Variants in GUCY2F observed in about 807,000 individuals in gnomAD.
GUCY2F encodes guanylate cyclase 2F, retinal.
Under a neutral mutation model 73.1 loss-of-function variants are expected in GUCY2F, and 61 were observed. The observed-to-expected ratio is 0.83, with a 90% CI of 0.68 to 1.03. The LOEUF (loss-of-function observed/expected upper bound fraction) is 1.03, where lower values mean the gene tolerates loss of function less well. GUCY2F is among the 50% of genes least tolerant of loss of function. GUCY2F has a pLI of 0.00. For synonymous variants in GUCY2F, 331 were observed against 307.8 expected (o/e 1.08, Z -0.79); for missense variants, 912 against 854.3 (o/e 1.07, Z -0.84).
intron 1 of GUCY2F, among the ~76,000 whole-genome samples, chrX:109,478,059 T>G (rs752366114): frequency 8.9e-6 from 1 of 112,173 alleles, no homozygotes; most frequent in African/African-American, 3.2e-5. Flanking sequence ...AAGATGATTC[T>G]GAGCTGATTA....
chrX:109,478,584 T>C (rs1049360251), intron 1 of GUCY2F, among the ~76,000 whole-genome samples: 1 of 112,505 alleles, frequency 8.9e-6, no homozygotes, highest in African/African-American at 3.2e-5. Flanking sequence ...CCAGTATCTG[T>C]GCATTTAATC....
chrX:109,439,297 C>T (rs777975998), intron 7 of GUCY2F, among the ~76,000 whole-genome samples: 17 of 111,901 alleles, frequency 1.5e-4, no homozygotes, highest in African/African-American at 5.2e-4. Context: ...ACCCTCAAGG[C>T]CCCGGCACTC....
chrX:109,481,082 GGAAGGAAGGAAGGAAGGAAGGA>G (rs1323646047), intron 1 of GUCY2F, among the ~76,000 whole-genome samples: 4 of 69,336 alleles, frequency 5.8e-5, no homozygotes, highest in Non-Finnish European at 1.1e-4. Context: ...AAGGAAGGAA[GGAAGGAAGGAAGGAAGGAAGGA>G]AGGGAGGGAG....
intron 19 of GUCY2F, among the ~76,000 whole-genome samples, chrX:109,375,371 C>A (rs1260046243): frequency 9.0e-6 from 1 of 111,166 alleles, no homozygotes; most frequent in Non-Finnish European, 1.9e-5. Context: ...ACAAGCCAGG[C>A]AGTCAAAGAG....
chrX:109,479,665 C>G (rs373732766), intron 1 of GUCY2F, among the ~76,000 whole-genome samples: 2 of 111,786 alleles, frequency 1.8e-5, no homozygotes, highest in East Asian at 5.6e-4. Context: ...TTGGATTCCC[C>G]CAAAGTACTT....
At chrX:109,435,994 G>A (rs1280719570) in intron 7 of GUCY2F, among the ~76,000 whole-genome samples, 1 of 111,355 alleles carries the variant, frequency 9.0e-6, no homozygotes, top group Non-Finnish European at 1.9e-5. Flanking sequence ...GATCATGGTG[G>A]ATAAGCTTTT....
At chrX:109,456,440 G>T (rs2147278673) in intron 3 of GUCY2F, among the ~76,000 whole-genome samples, 1 of 111,710 alleles carries the variant, frequency 9.0e-6, no homozygotes, top group Non-Finnish European at 1.9e-5. Flanking sequence ...TTCTGAGAAA[G>T]AAACTGCATC....
intron 6 of GUCY2F, among the ~76,000 whole-genome samples, chrX:109,443,395 G>A (rs1056710943): frequency 5.4e-5 from 6 of 111,093 alleles, no homozygotes; most frequent in African/African-American, 2.0e-4. Context: ...AACGGTAATA[G>A]CCCTCTTACT....
At chrX:109,385,677 T>C (rs1034606248) in intron 15 of GUCY2F, among the ~76,000 whole-genome samples, 2 of 112,097 alleles carry the variant, frequency 1.8e-5, no homozygotes, top group Non-Finnish European at 3.8e-5. Flanking sequence ...AAGGCTTTCA[T>C]GGGTTTATCT....
intron 8 of GUCY2F, among the ~76,000 whole-genome samples, chrX:109,421,533 T>C (rs1172717030): frequency 9.0e-6 from 1 of 111,155 alleles, no homozygotes; most frequent in African/African-American, 3.3e-5. Context: ...ATATCTAAAG[T>C]AGTCAAATTC....
intron 17 of GUCY2F, among the ~76,000 whole-genome samples, chrX:109,381,544 C>A (rs1279494666): frequency 7.1e-5 from 8 of 112,083 alleles, no homozygotes; most frequent in Non-Finnish European, 1.5e-4. Flanking sequence ...TAAAATTATT[C>A]TAATCCTATA....
intron 17 of GUCY2F, among the ~76,000 whole-genome samples, chrX:109,381,047 A>T (rs969494415): frequency 8.9e-6 from 1 of 111,815 alleles, no homozygotes; most frequent in African/African-American, 3.2e-5. Context: ...CTTGTAAGTG[A>T]CTCATCCAAC....
At chrX:109,464,464 A>G (rs1321131922) in intron 3 of GUCY2F, among the ~76,000 whole-genome samples, 1 of 112,789 alleles carries the variant, frequency 8.9e-6, no homozygotes, top group Admixed American at 9.3e-5. Context: ...CACAAAGGAA[A>G]AATGAATTAA....
intron 15 of GUCY2F, among the ~76,000 whole-genome samples, chrX:109,386,431 A>G (rs1368177244): frequency 9.0e-6 from 1 of 111,204 alleles, no homozygotes; most frequent in Non-Finnish European, 1.9e-5. Context: ...TGTGGTTGGG[A>G]TTGTACAGGG....
intron 8 of GUCY2F, among the ~76,000 whole-genome samples, chrX:109,413,259 A>G (rs1931155239): frequency 1.8e-5 from 2 of 112,126 alleles, no homozygotes; most frequent in African/African-American, 6.5e-5. Flanking sequence ...AAAGTTTGCA[A>G]CATCAGCTTT....
rs35169476 is a variant in GUCY2F at position 109,402,376 on chromosome X, G to GTT, written c.2125+1950_2125+1951dup. ...GGAACTCTGAGAAGCTAGGCGTTTTGTTTTTTTTTTTTTTGAGACAGAGTC... is the reference window on the plus strand; with the variant it reads ...GGAACTCTGAGAAGCTAGGCGTTTTGTTTTTTTTTTTTTTTTGAGACAGAGTC... On this transcript the variant is annotated intron_variant, in intron 10 of 19. Transcript: ENST00000218006. Among the ~76,000 whole-genome samples the GTT allele has an allele frequency of 1.7e-3, 166 of 97,563 alleles. 1 individual carries two copies. Among genetic ancestry groups the GTT allele is most frequent in the African/African-American group, 5.7e-3 (154 of 26,939 alleles). 84.7% of individuals were successfully genotyped at this position (97,563 alleles called of 115,157 possible).
intron 5 of GUCY2F, 22 bp downstream of exon 5, chrX:109,452,001 A>G (rs752236164): frequency 2.6e-5 from 20 of 773,211 alleles, no homozygotes; most frequent in Admixed American, 4.5e-5. Flanking sequence ...TTTTTTATAT[A>G]CAAAAATAAC....
chrX:109,424,821 C>G (rs1036118201), intron 8 of GUCY2F, among the ~76,000 whole-genome samples: 4 of 107,379 alleles, frequency 3.7e-5, no homozygotes, highest in Non-Finnish European at 7.7e-5. Context: ...GGCTGGAGTT[C>G]AATGGCATGA....
intron 12 of GUCY2F, among the ~76,000 whole-genome samples, chrX:109,393,927 C>T (rs762075329): frequency 8.9e-6 from 1 of 112,342 alleles, no homozygotes; most frequent in East Asian, 2.8e-4. Flanking sequence ...CTGGGCCACA[C>T]ATGCTCCACC....
Sources: gnomAD v4.1 joint callset for allele counts (sites outside exome capture counted in the v4.1 genomes callset) on GRCh38, gnomAD v4.1.1 for gene constraint, MANE v1.5 for transcripts, NCBI Gene and HGNC (gene_info 2026-07-23, HGNC 2026-07-21) for gene names.